DEK: variants seen among roughly 807,000 people sequenced by gnomAD.
DEK encodes the protein protein DEK.
Under a neutral mutation model 46.8 loss-of-function variants are expected in DEK, and 28 were observed. That is an observed-to-expected ratio of 0.60 (90% CI 0.44 to 0.82). DEK has a LOEUF of 0.82. Ranked by LOEUF, DEK falls within the 40% of genes least tolerant of loss-of-function variation. The pLI is 0.00. For synonymous variants in DEK, 160 were observed against 144.5 expected (o/e 1.11, Z -0.77); for missense variants, 416 against 430.6 (o/e 0.97, Z 0.30).
intron 6 of DEK, among the ~76,000 whole-genome samples, chr6:18,251,411 G>A (rs1476103097): frequency 6.6e-6 from 1 of 152,274 alleles, no homozygotes; most frequent in African/African-American, 2.4e-5. Flanking sequence ...TTAAGAAAAA[G>A]TGGCTGCTTT....
At position 18,256,914 on chromosome 6, in the gene DEK, T is replaced by C. The variant is rs183792868; in HGVS notation, c.358-459A>G. On this transcript the variant is annotated intron_variant, in intron 4 of 10. Coordinates refer to ENST00000652689, the MANE Select transcript of DEK (RefSeq NM_003472.4). Reference sequence around the variant, plus strand: ...AAAAGCTAATACCGTTCACTAGTTATGGGACTTGTGTAAATTAAATTGGTT... The same window carrying C: ...AAAAGCTAATACCGTTCACTAGTTACGGGACTTGTGTAAATTAAATTGGTT... Among the ~76,000 whole-genome samples, 121 of 152,340 alleles carry C rather than the reference T, an allele frequency of 7.9e-4. 1 individual carries two copies. In the East Asian group the frequency reaches 0.019, roughly 24 times the overall value.
chr6:18,256,533 T>A, intron 4 of DEK, 78 bp from the exon 5 acceptor site: 1 of 1,216,862 alleles, frequency 8.2e-7, no homozygotes, highest in Non-Finnish European at 1.2e-6. Context: ...CAATTCAAAG[T>A]CAACATCTTT....
chr6:18,228,234 T>C (rs997178246), intron 9 of DEK, among the ~76,000 whole-genome samples: 6 of 152,186 alleles, frequency 3.9e-5, no homozygotes, highest in South Asian at 2.1e-4. Flanking sequence ...AATGCTGCCA[T>C]AGACAATAGT....
intron 7 of DEK, among the ~76,000 whole-genome samples, chr6:18,248,046 C>A (rs1318749661): frequency 6.6e-6 from 1 of 152,108 alleles, no homozygotes; most frequent in Non-Finnish European, 1.5e-5. Flanking sequence ...CATAAAACAT[C>A]ATTTTAATTC....
At chr6:18,257,086 G>A (rs552885653) in intron 4 of DEK, among the ~76,000 whole-genome samples, 24 of 152,204 alleles carry the variant, frequency 1.6e-4, no homozygotes, top group African/African-American at 5.8e-4. Context: ...AATATACTAA[G>A]TCATATGTAC....
intron 9 of DEK, among the ~76,000 whole-genome samples, chr6:18,228,590 G>A (rs1009528899): frequency 2.6e-5 from 4 of 152,322 alleles, no homozygotes; most frequent in Admixed American, 6.5e-5. Flanking sequence ...CCTCACCTGG[G>A]AAGCGCAAGG....
chr6:18,259,417 A>AT (rs1791749387), intron 2 of DEK, among the ~76,000 whole-genome samples: 1 of 145,760 alleles, frequency 6.9e-6, no homozygotes, highest in Non-Finnish European at 1.5e-5. Context: ...AAAAAAAAAA[A>AT]AAAAAAAAAA....
At chr6:18,261,574 A>AAAACAAAC (rs56191223) in intron 2 of DEK, among the ~76,000 whole-genome samples, 28 of 152,150 alleles carry the variant, frequency 1.8e-4, no homozygotes, top group East Asian at 1.4e-3. Flanking sequence ...TCCGTTTCAA[A>AAAACAAAC]AAACAAACAA....
intron 6 of DEK, among the ~76,000 whole-genome samples, chr6:18,255,465 A>C (rs1362979977): frequency 2.0e-5 from 3 of 152,124 alleles, no homozygotes; most frequent in African/African-American, 4.8e-5. Flanking sequence ...CCTAACCCTG[A>C]CTACTAGTAC....
chr6:18,240,131 C>T (rs1369327853), intron 7 of DEK, among the ~76,000 whole-genome samples: 7 of 152,164 alleles, frequency 4.6e-5, no homozygotes, highest in Non-Finnish European at 1.0e-4. Context: ...AACATGACAT[C>T]ATTTTAAAAC....
intron 5 of DEK, 117 bp from the exon 6 acceptor site, chr6:18,255,968 G>A (rs1791575375): frequency 8.3e-7 from 1 of 1,201,136 alleles, no homozygotes; most frequent in South Asian, 1.9e-5. Context: ...TAAAAAAGTG[G>A]CCAATGCTTC....
intron 9 of DEK, among the ~76,000 whole-genome samples, chr6:18,230,282 T>C (rs559470514): frequency 6.6e-5 from 10 of 152,188 alleles, no homozygotes; most frequent in Middle Eastern, 3.4e-3. Flanking sequence ...ACATGCCAAA[T>C]TGTAAAGACC....
chr6:18,264,106 T>C, intron 1 of DEK, 110 bp from the exon 2 acceptor site: 4 of 1,023,154 alleles, frequency 3.9e-6, no homozygotes, highest in Admixed American at 6.8e-5. Flanking sequence ...GCCCTGAAAG[T>C]TGCCTCCTCC....
chr6:18,244,143 C>T (rs1791008811), intron 7 of DEK, among the ~76,000 whole-genome samples: 1 of 151,862 alleles, frequency 6.6e-6, no homozygotes, highest in Non-Finnish European at 1.5e-5. Flanking sequence ...AGTCTTTTAA[C>T]AAAATGGGGG....
In DEK at chr6:18,225,508, G is replaced by C. The variant is rs533311324; in HGVS notation, c.*211C>G. On this transcript the variant is annotated 3_prime_UTR_variant, in exon 11 of 11. Coordinates refer to ENST00000652689, the MANE Select transcript of DEK (RefSeq NM_003472.4). ...AAAAGCAAGGAACAATTAATGCCAT[G>C]CAAGATTTTAAACTAAAAATGGCAT... is the stretch of plus-strand genomic sequence containing the variant. The C allele has an allele frequency of 2.1e-6, 1 of 486,216 alleles. No individual in the cohort carries two copies. Among genetic ancestry groups the C allele is most frequent in the Non-Finnish European group, 3.6e-6 (1 of 275,960 alleles). The allele number at this position is 486,216 out of a possible 1,614,324, so 30.1% of individuals were successfully genotyped here.
Position 18,249,638 on chromosome 6 carries a change from TA to T in DEK, c.762+12del. 6.4e-7 allele frequency: 1 copy of T among 1,553,870 alleles called. No individual in the cohort carries two copies. Among genetic ancestry groups the T allele is most frequent in the Middle Eastern group, 1.7e-4 (1 of 5,798 alleles). On this transcript the variant is annotated intron_variant, in intron 7 of 10. Transcript: ENST00000652689. ...GGAAAGAAATGATTTAAAAATATAG[TA>T]AAATATTTTACCTCCTCTTCACTTT...
chr6:18,259,575 G>A (rs2151095078), intron 2 of DEK, among the ~76,000 whole-genome samples: 1 of 152,204 alleles, frequency 6.6e-6, no homozygotes, highest in South Asian at 2.1e-4. Context: ...TTTAATGCCT[G>A]TGTTGTGCAG....
chr6:18,244,351 T>G lies in DEK; in HGVS notation c.762+5300A>C, dbSNP rs549202837. Reference sequence around the variant, plus strand: ...ATTAATGTCAGATAGTACAATGTACTATAACCTAAATTTTTAAAGGATCAG... The same window carrying G: ...ATTAATGTCAGATAGTACAATGTACGATAACCTAAATTTTTAAAGGATCAG... On this transcript the variant is annotated intron_variant, in intron 7 of 10. Transcript: ENST00000652689. 2.0e-5 allele frequency among the ~76,000 whole-genome samples: 3 copies of G among 152,310 alleles called. No individual in the cohort carries two copies. In the South Asian group the frequency reaches 6.2e-4, roughly 32 times the overall value.
intron 6 of DEK, among the ~76,000 whole-genome samples, chr6:18,251,676 C>A (rs1791379870): frequency 6.6e-6 from 1 of 152,182 alleles, no homozygotes; most frequent in Non-Finnish European, 1.5e-5. Flanking sequence ...TGGATAAATT[C>A]TTTGATAGCA....
Sources: gnomAD v4.1 joint callset for allele counts (sites outside exome capture counted in the v4.1 genomes callset) on GRCh38, gnomAD v4.1.1 for gene constraint, MANE v1.5 for transcripts, NCBI Gene and HGNC (gene_info 2026-07-23, HGNC 2026-07-21) for gene names.